The following PLEKHA1 variants were observed in gnomAD, a reference collection of about 807,000 sequenced individuals.
PLEKHA1 encodes the protein pleckstrin homology domain containing A1.
In PLEKHA1, 34 loss-of-function variants were observed where a neutral mutation model predicts 52.0. That is an observed-to-expected ratio of 0.65 (90% CI 0.50 to 0.87). The LOEUF is 0.87. PLEKHA1 is among the 40% of genes least tolerant of loss of function. The pLI, the probability that PLEKHA1 is intolerant of heterozygous loss-of-function variation, is 0.00. For synonymous variants in PLEKHA1, 163 were observed against 170.7 expected, an observed-to-expected ratio of 0.95 and a Z score of 0.35; for missense variants, 497 against 504.2, an observed-to-expected ratio of 0.99 and a Z score of 0.14.
chr10:122,415,763 T>C, intron 6 of PLEKHA1, 96 bp from the exon 7 acceptor site: 11 of 1,059,056 alleles, frequency 1.0e-5, no homozygotes, highest in Non-Finnish European at 1.2e-5. Context: ...TTCTGACTAA[T>C]CTAAGGTGGA....
chr10:122,375,257 C>G (rs773601378), intron 1 of PLEKHA1, among the ~76,000 whole-genome samples: 15 of 151,968 alleles, frequency 9.9e-5, no homozygotes, highest in Non-Finnish European at 1.3e-4. Flanking sequence ...TGGCGCCGGT[C>G]GGAGCGCCTC....
At chr10:122,386,147 G>A (rs1338137510) in intron 1 of PLEKHA1, among the ~76,000 whole-genome samples, 1 of 152,122 alleles carries the variant, frequency 6.6e-6, no homozygotes, top group Non-Finnish European at 1.5e-5. Context: ...AGCATTTAGT[G>A]TTGTCAGGGT....
chr10:122,419,544 A>G (rs2097227906), intron 8 of PLEKHA1: 1 of 152,148 alleles, frequency 6.6e-6, no homozygotes, highest in Admixed American at 6.5e-5. Context: ...TGCAGCAGAC[A>G]TTCATTGAGC....
At chr10:122,421,776 G>A (rs1389712978) in intron 8 of PLEKHA1, 3 of 152,120 alleles carry the variant, frequency 2.0e-5, no homozygotes, top group African/African-American at 7.2e-5. Context: ...TTAGAGAAAT[G>A]CAAATTAAAA....
rs754127533 is a variant in PLEKHA1, at chr10:122,400,426, T to TA, written c.244+39dup. On this transcript the variant is annotated intron_variant, in intron 4 of 11. Transcript: ENST00000368990. ...GTTATATATATTTTAAATAGACTGA[T>TA]ATAATTGTATCATATTGTAAAAGAA... The TA allele has an allele frequency of 2.0e-6, 3 of 1,533,486 alleles. No individual in the cohort carries two copies. In the African/African-American group the frequency reaches 4.2e-5, roughly 21 times the overall value. 95.0% of individuals were successfully genotyped at this position (1,533,486 alleles called of 1,614,324 possible). A position where few individuals can be genotyped will look rare whatever the true frequency, so the allele number is the denominator to read the frequency against.
chr10:122,392,975 GAATA>G (rs2096797126), intron 1 of PLEKHA1: 2 of 406,062 alleles, frequency 4.9e-6, no homozygotes, highest in Non-Finnish European at 8.7e-6. Context: ...CCATCACAGT[GAATA>G]AATAGTTACA....
the PLEKHA1 span, chr10:122,437,493 G>A: frequency 1.3e-5 from 2 of 152,220 alleles, no homozygotes; most frequent in Admixed American, 6.5e-5. Flanking sequence ...AAATAAAAAT[G>A]TGGGAGTCTT....
chr10:122,424,021 A>T (rs892727766), intron 8 of PLEKHA1, 178 bp from the exon 9 acceptor site: 43 of 769,824 alleles, frequency 5.6e-5, no homozygotes, highest in Non-Finnish European at 8.2e-5. Context: ...ATATAAGGTT[A>T]TAGTGTTTGA....
At chr10:122,434,854 T>C (rs2097432641), downstream of PLEKHA1, 2 of 151,180 alleles carry the variant, frequency 1.3e-5, no homozygotes, top group South Asian at 2.1e-4. Context: ...TTACTGAGAA[T>C]GATGATTTCC....
rs1201744238 is a variant in PLEKHA1 at position 122,404,616 on chromosome 10, TGATA to T, written c.245-1955_245-1952del. Among the ~76,000 whole-genome samples the T allele has an allele frequency of 3.3e-5, 5 of 152,342 alleles. No individual in the cohort carries two copies. The East Asian group carries it at 5.8e-4, about 18-fold the overall frequency. ...TAGAAATTAAAAACAAGTTATTTAT[TGATA>T]GATATAGCATCCTAGTGAATTATGG... is the stretch of plus-strand genomic sequence containing the variant. On this transcript the variant is annotated intron_variant, in intron 4 of 11. Transcript: ENST00000368990.
intron 8 of PLEKHA1, chr10:122,418,235 A>AAGG (rs2097206417): frequency 3.2e-6 from 1 of 316,542 alleles, no homozygotes; most frequent in East Asian, 5.7e-5. Context: ...ATTTCCTCTA[A>AAGG]AGGGGCTGTC....
At chr10:122,433,656 C>T (rs2097428166), downstream of PLEKHA1, 2 of 152,158 alleles carry the variant, frequency 1.3e-5, no homozygotes, top group Admixed American at 6.5e-5. Flanking sequence ...CAGCAGCTCA[C>T]GTACTTCCTG....
intron 11 of PLEKHA1, chr10:122,428,489 C>G (rs1490195788): frequency 8.0e-7 from 1 of 1,246,486 alleles, no homozygotes; most frequent in South Asian, 3.1e-5. Flanking sequence ...CAAACTGTTT[C>G]ACTGTAGTCA....
At position 122,412,856 on chromosome 10, in the gene PLEKHA1, C is replaced by T. The variant is rs886630244; in HGVS notation, c.343-64C>T. ...AACGGATGAATAATTAGAAATTCTGCGAGAAAACAGGTTCACATGTATAAT... is the reference window on the plus strand; with the variant it reads ...AACGGATGAATAATTAGAAATTCTGTGAGAAAACAGGTTCACATGTATAAT... On this transcript the variant is annotated intron_variant, in intron 5 of 11. Transcript: ENST00000368990. 5.6e-5 allele frequency: 87 copies of T among 1,553,040 alleles called. 1 individual carries two copies. In the South Asian group the frequency reaches 5.7e-4, roughly 10 times the overall value.
At chr10:122,421,762 ATAAT>A (rs985246341) in intron 8 of PLEKHA1, 6 of 152,230 alleles carry the variant, frequency 3.9e-5, no homozygotes, top group African/African-American at 1.4e-4. Flanking sequence ...AGCATCACTG[ATAAT>A]TAGAGAAATG....
At chr10:122,426,305 T>C (rs920953816) in intron 10 of PLEKHA1, among the ~76,000 whole-genome samples, 5 of 150,496 alleles carry the variant, frequency 3.3e-5, no homozygotes, top group Non-Finnish European at 5.9e-5. Flanking sequence ...TTTTTTTTTT[T>C]AGTCTTTGTT....
chr10:122,442,026 C>T, the PLEKHA1 span: 1 of 152,342 alleles, frequency 6.6e-6, no homozygotes, highest in South Asian at 2.1e-4. Flanking sequence ...CCATATTCAC[C>T]CTTAGAAGCA....
At chr10:122,390,423 C>T (rs567703145) in intron 1 of PLEKHA1, among the ~76,000 whole-genome samples, 1 of 152,204 alleles carries the variant, frequency 6.6e-6, no homozygotes, top group Non-Finnish European at 1.5e-5. Context: ...CATTTTTGGT[C>T]TGTCTCAGCT....
At chr10:122,395,273 GTTTT>G (rs200782813) in intron 2 of PLEKHA1, among the ~76,000 whole-genome samples, 2 of 150,708 alleles carry the variant, frequency 1.3e-5, no homozygotes, top group Non-Finnish European at 3.0e-5. Flanking sequence ...CACAGTGCCA[GTTTT>G]TTTTTTAAGT....
Sources: gnomAD v4.1 joint callset for allele counts (sites outside exome capture counted in the v4.1 genomes callset) on GRCh38, gnomAD v4.1.1 for gene constraint, MANE v1.5 for transcripts, NCBI Gene and HGNC (gene_info 2026-07-23, HGNC 2026-07-21) for gene names.